ULK2: variants seen among roughly 807,000 people sequenced by gnomAD.
ULK2 encodes unc-51 like autophagy activating kinase 2.
A neutral mutation model predicts 127.5 loss-of-function variants in ULK2; 76 were observed. The ratio of observed to expected loss-of-function variants is 0.60; its 90% CI spans 0.50 to 0.72. The LOEUF (loss-of-function observed/expected upper bound fraction) is 0.72. Ranked by LOEUF, ULK2 falls within the 30% of genes least tolerant of loss-of-function variation. The pLI, the probability that ULK2 is intolerant of heterozygous loss-of-function variation, is 0.00. For synonymous variants in ULK2, 452 were observed against 461.9 expected (o/e 0.98, Z 0.28); for missense variants, 1,144 against 1,295.9 (o/e 0.88, Z 1.80).
At chr17:19,811,609 T>C (rs1432964302) in intron 13 of ULK2, among the ~76,000 whole-genome samples, 1 of 151,980 alleles carries the variant, frequency 6.6e-6, no homozygotes, top group Non-Finnish European at 1.5e-5. Flanking sequence ...ACCCAGCTAA[T>C]TTTTGTATTT....
intron 3 of ULK2, among the ~76,000 whole-genome samples, chr17:19,852,223 TCAAA>T (rs1249275593): frequency 2.0e-5 from 3 of 148,388 alleles, no homozygotes; most frequent in East Asian, 2.0e-4. Context: ...AGACTCCATC[TCAAA>T]CAAACAAAAA....
chr17:19,861,452 G>A (rs2042240884), intron 3 of ULK2, among the ~76,000 whole-genome samples: 1 of 152,176 alleles, frequency 6.6e-6, no homozygotes, highest in Non-Finnish European at 1.5e-5. Flanking sequence ...GGCTGAGGCA[G>A]GAGAATGGCG....
chr17:19,797,281 A>C, intron 18 of ULK2, 115 bp downstream of exon 18: 3 of 1,227,526 alleles, frequency 2.4e-6, no homozygotes, highest in South Asian at 1.7e-5. Flanking sequence ...TGGGCGACAA[A>C]GCAAGACTCT....
intron 3 of ULK2, 29 bp downstream of exon 3, chr17:19,864,768 TATTTTA>T: frequency 9.8e-7 from 1 of 1,017,002 alleles, no homozygotes; most frequent in Non-Finnish European, 1.3e-6. Context: ...AAAAAAAATT[TATTTTA>T]ATTTTTAAAA....
intron 26 of ULK2, among the ~76,000 whole-genome samples, chr17:19,776,733 G>C (rs1305460439): frequency 6.6e-6 from 1 of 152,138 alleles, no homozygotes; most frequent in Admixed American, 6.6e-5. Context: ...TATTGGGCTT[G>C]TATGTGATAA....
chr17:19,853,292 C>G (rs186595281), intron 3 of ULK2, among the ~76,000 whole-genome samples: 3 of 151,836 alleles, frequency 2.0e-5, no homozygotes, highest in Admixed American at 2.0e-4. Flanking sequence ...TGCACCACCA[C>G]GCCCAGCTAA....
intron 12 of ULK2, among the ~76,000 whole-genome samples, chr17:19,821,628 T>A (rs934269051): frequency 2.0e-5 from 3 of 152,222 alleles, no homozygotes; most frequent in African/African-American, 7.2e-5. Flanking sequence ...TATCAAACCA[T>A]ACCATTTTCT....
intron 17 of ULK2, among the ~76,000 whole-genome samples, chr17:19,798,059 T>C (rs1292669567): frequency 1.3e-5 from 2 of 152,188 alleles, no homozygotes; most frequent in Non-Finnish European, 2.9e-5. Context: ...TATGAATACA[T>C]ACCTGGATAA....
intron 10 of ULK2, among the ~76,000 whole-genome samples, chr17:19,836,862 G>A (rs950494224): frequency 6.6e-6 from 1 of 152,108 alleles, no homozygotes; most frequent in Non-Finnish European, 1.5e-5. Context: ...CCAAGATCAT[G>A]CCACTGCACT....
intron 14 of ULK2, among the ~76,000 whole-genome samples, chr17:19,805,914 A>T (rs2087505458): frequency 6.6e-6 from 1 of 152,276 alleles, no homozygotes; most frequent in South Asian, 2.1e-4. Flanking sequence ...GTTTACAGCC[A>T]AGTGGAATTC....
At position 19,841,556 on chromosome 17, in the gene ULK2, A is replaced by G. The variant is rs2041757077; in HGVS notation, c.646-9T>C. ...TCTTGAGGACTATTGGCCTATTAAA[A>G]AAAAAAAGGTTTAATTTCCTAAACA... On this transcript the variant is annotated splice_polypyrimidine_tract_variant and intron_variant, in intron 8 of 26. Coordinates refer to ENST00000395544, the MANE Select transcript of ULK2 (RefSeq NM_014683.4). The G allele has an allele frequency of 6.4e-7, 1 of 1,568,270 alleles. No homozygotes were observed. The highest frequency in any genetic ancestry group is 8.6e-7 in the Non-Finnish European group (1 of 1,167,518).
chr17:19,834,709 G>C (rs2041547954), intron 10 of ULK2, among the ~76,000 whole-genome samples: 1 of 151,872 alleles, frequency 6.6e-6, no homozygotes. Flanking sequence ...CCCAGGAGTT[G>C]GCAACCAGCC....
chr17:19,798,097 A>G (rs916571282), intron 17 of ULK2, among the ~76,000 whole-genome samples: 1 of 152,236 alleles, frequency 6.6e-6, no homozygotes, highest in African/African-American at 2.4e-5. Flanking sequence ...CTTTTCTCAC[A>G]CAGCAACTAA....
intron 14 of ULK2, among the ~76,000 whole-genome samples, chr17:19,808,060 C>T (rs551731649): frequency 1.4e-3 from 216 of 152,248 alleles, no homozygotes; most frequent in Middle Eastern, 3.4e-3. Context: ...AAGCCGAAAT[C>T]GCACCATTGC....
intron 7 of ULK2, among the ~76,000 whole-genome samples, chr17:19,844,101 C>T (rs969814683): frequency 2.6e-5 from 4 of 152,196 alleles, no homozygotes; most frequent in African/African-American, 9.6e-5. Flanking sequence ...AATAGAAAAA[C>T]TATGATGCAA....
rs1238763188 is a variant in ULK2, at chr17:19,867,561, G to C, written c.-144C>G. 1 of 402,234 alleles carries C rather than the reference G, an allele frequency of 2.5e-6. No homozygotes were observed. Among genetic ancestry groups the C allele is most frequent in the Non-Finnish European group, 4.0e-6 (1 of 249,332 alleles). 24.9% of individuals were successfully genotyped at this position (402,234 alleles called of 1,614,324 possible). On this transcript the variant is annotated 5_prime_UTR_variant, in exon 1 of 27. Coordinates refer to ENST00000395544, the MANE Select transcript of ULK2 (RefSeq NM_014683.4). ...GCCCCGGGCCCGGGCGGACTCTCAT[G>C]CCGAGAGACCGGAGCGGAAACTGGG...
chr17:19,796,943 A>G (rs1186705809), intron 18 of ULK2, among the ~76,000 whole-genome samples: 1 of 152,254 alleles, frequency 6.6e-6, no homozygotes, highest in Admixed American at 6.5e-5. Context: ...CACAAAAAGC[A>G]TTCTGCAAAT....
chr17:19,831,538 A>C (rs1403753484), intron 10 of ULK2, among the ~76,000 whole-genome samples: 25 of 152,184 alleles, frequency 1.6e-4, no homozygotes, highest in Admixed American at 1.6e-3. Context: ...AAAAAGAAGA[A>C]ATAAGGCCAG....
intron 13 of ULK2, among the ~76,000 whole-genome samples, chr17:19,813,057 T>C (rs1213945649): frequency 1.3e-5 from 2 of 152,208 alleles, no homozygotes; most frequent in African/African-American, 4.8e-5. Context: ...AATTTTACAC[T>C]GACTATTGAG....
Sources: gnomAD v4.1 joint callset for allele counts (sites outside exome capture counted in the v4.1 genomes callset) on GRCh38, gnomAD v4.1.1 for gene constraint, MANE v1.5 for transcripts, NCBI Gene and HGNC (gene_info 2026-07-23, HGNC 2026-07-21) for gene names.